Variants in PRH1 observed in about 807,000 individuals in gnomAD.
PRH1 encodes the protein proline rich protein HaeIII subfamily 1.
PRH1 carries 7 observed loss-of-function variants against 7.9 expected under a neutral mutation model. The observed-to-expected ratio is 0.89, with a 90% confidence interval of 0.50 to 1.67. The LOEUF is 1.67. Among genes scored for constraint, PRH1 ranks in the 40% most tolerant of loss-of-function variants. The pLI is 0.00. For synonymous variants in PRH1, 45 were observed against 80.8 expected (o/e 0.56, Z 2.38); for missense variants, 109 against 223.6 (o/e 0.49, Z 3.27).
At chr12:11,031,634 T>C (rs1942223971) in intron 1 of PRH1, among the ~76,000 whole-genome samples, 1 of 152,182 alleles carries the variant, frequency 6.6e-6, no homozygotes, top group East Asian at 1.9e-4. Flanking sequence ...TTTTTTGTCC[T>C]ATCAGAGTGC....
intron 1 of PRH1, among the ~76,000 whole-genome samples, chr12:11,082,530 TCTTGACCTCAGGTGATCGGCCAGC>T (rs1232799543): frequency 8.8e-6 from 1 of 114,156 alleles, no homozygotes; most frequent in African/African-American, 2.9e-5. Context: ...GGTCTGGAAC[TCTTGACCTCAGGTGATCGGCCAGC>T]CTTGGCCTCC....
chr12:11,082,970 C>A (rs112982783), intron 1 of PRH1, among the ~76,000 whole-genome samples: 22 of 102,380 alleles, frequency 2.1e-4, no homozygotes, highest in Non-Finnish European at 4.0e-4. Flanking sequence ...AGTTACACTA[C>A]ATATGTTTTA....
rs1591709174 is a variant in PRH1 at position 10,943,389 on chromosome 12, G to T, written c.-59+30266C>A. Among the ~76,000 whole-genome samples, 7 of 152,256 alleles carry T rather than the reference G, an allele frequency of 4.6e-5. 1 individual carries two copies. Among genetic ancestry groups the T allele is most frequent in the Admixed American group, 4.6e-4 (7 of 15,288 alleles). On this transcript the variant is annotated intron_variant, in intron 2 of 3. Transcript: ENST00000539853. Reference sequence around the variant, plus strand: ...ACATGTACGTCTTCTTTTGAGAAGTGTCTGTTCAGGTCTTTTGCCCACTTT... The same window carrying T: ...ACATGTACGTCTTCTTTTGAGAAGTTTCTGTTCAGGTCTTTTGCCCACTTT...
At chr12:10,922,772 A>C (rs1950064513) in intron 2 of PRH1, among the ~76,000 whole-genome samples, 1 of 148,394 alleles carries the variant, frequency 6.7e-6, no homozygotes, top group South Asian at 2.2e-4. Flanking sequence ...TACGTAATGC[A>C]TTGTTAGGTA....
chr12:10,954,271 C>T (rs761262123), intron 2 of PRH1, among the ~76,000 whole-genome samples: 8 of 152,080 alleles, frequency 5.3e-5, no homozygotes, highest in South Asian at 4.1e-4. Context: ...ATACTAACCT[C>T]GAATGTAAAC....
intron 1 of PRH1, chr12:11,062,243 C>T (rs201672998): frequency 9.3e-6 from 15 of 1,612,968 alleles, no homozygotes; most frequent in Non-Finnish European, 1.2e-5. Context: ...TTTCCAATCA[C>T]AAATGTAACC....
At chr12:11,080,509 A>G (rs1423460386) in intron 1 of PRH1, among the ~76,000 whole-genome samples, 1 of 115,980 alleles carries the variant, frequency 8.6e-6, no homozygotes, top group East Asian at 2.1e-4. Flanking sequence ...AGGGTCCTTG[A>G]TAAACGTTCA....
chr12:10,913,170 C>T (rs1170303081), intron 2 of PRH1, among the ~76,000 whole-genome samples: 1 of 152,042 alleles, frequency 6.6e-6, no homozygotes, highest in Non-Finnish European at 1.5e-5. Context: ...TGTCTTTTTC[C>T]TTAAAATCTA....
intron 1 of PRH1, among the ~76,000 whole-genome samples, chr12:11,165,828 G>C (rs951655067): frequency 2.0e-5 from 3 of 152,158 alleles, no homozygotes; most frequent in African/African-American, 7.2e-5. Context: ...AGTGCCAAAG[G>C]GATTCTCAGT....
At chr12:11,115,282 G>A (rs1945699793) in intron 1 of PRH1, among the ~76,000 whole-genome samples, 1 of 151,980 alleles carries the variant, frequency 6.6e-6, no homozygotes, top group Non-Finnish European at 1.5e-5. Context: ...TAGAGTTCAG[G>A]ACAAAAACTA....
At chr12:10,973,721 G>A in exon 2 of PRH1, 1 of 779,940 alleles carries the variant, frequency 1.3e-6, no homozygotes, top group South Asian at 1.3e-5. Context: ...TTCTGCAGCA[G>A]CTAGGATAAG....
At chr12:10,990,959 G>A (rs1168667577) in intron 1 of PRH1, among the ~76,000 whole-genome samples, 1 of 152,210 alleles carries the variant, frequency 6.6e-6, no homozygotes, top group African/African-American at 2.4e-5. Flanking sequence ...AAACAACGCT[G>A]GAGACTAGAG....
intron 1 of PRH1, among the ~76,000 whole-genome samples, chr12:11,002,786 C>T (rs542666674): frequency 1.3e-5 from 2 of 151,976 alleles, no homozygotes; most frequent in Admixed American, 6.6e-5. Flanking sequence ...TTCTCTAATA[C>T]AGTTGAAAAA....
rs186031967 is a variant in PRH1, at chr12:11,165,581, A to G, written n.39+5841T>C. Reference sequence around the variant, plus strand: ...TTATTTTTAAAGGTTCTGTCTGATAATTTCAACCTCTGGGCCATTATTTTC... The same window carrying G: ...TTATTTTTAAAGGTTCTGTCTGATAGTTTCAACCTCTGGGCCATTATTTTC... On this transcript the variant is annotated intron_variant and non_coding_transcript_variant, in intron 1 of 1. Coordinates refer to the PRH1 transcript ENST00000541175. Among the ~76,000 whole-genome samples, 316 of 152,232 alleles carry G rather than the reference A, an allele frequency of 2.1e-3. 1 individual carries two copies. The highest frequency in any genetic ancestry group is 9.7e-3 in the South Asian group (47 of 4,824).
chr12:11,026,595 C>CT (rs1396578001), intron 1 of PRH1, among the ~76,000 whole-genome samples: 4 of 151,978 alleles, frequency 2.6e-5, no homozygotes, highest in African/African-American at 7.3e-5. Flanking sequence ...AGGAATGGAA[C>CT]TGGTCAGTGC....
intron 2 of PRH1, among the ~76,000 whole-genome samples, chr12:10,915,459 C>T (rs1328747363): frequency 9.2e-6 from 1 of 109,192 alleles, no homozygotes; most frequent in African/African-American, 2.6e-5. Flanking sequence ...GTATGTGAAG[C>T]TGACAGGAAT....
At chr12:10,988,074 G>A (rs1344064282) in intron 1 of PRH1, among the ~76,000 whole-genome samples, 1 of 152,102 alleles carries the variant, frequency 6.6e-6, no homozygotes, top group Admixed American at 6.6e-5. Context: ...AATGGAGTCA[G>A]TTTGCCTGCA....
upstream of PRH1, among the ~76,000 whole-genome samples, chr12:10,884,674 T>C (rs977608628): frequency 7.9e-5 from 12 of 152,226 alleles, no homozygotes; most frequent in African/African-American, 2.9e-4. Context: ...GGTCAATATC[T>C]CTGACTGTTT....
intron 1 of PRH1, among the ~76,000 whole-genome samples, chr12:10,977,217 A>G (rs1939145902): frequency 6.6e-6 from 1 of 152,228 alleles, no homozygotes; most frequent in Admixed American, 6.5e-5. Context: ...CTAATCCACC[A>G]TAATCAAGTA....
Sources: allele counts gnomAD v4.1 joint callset (sites outside exome capture counted in the v4.1 genomes callset), GRCh38; gene constraint gnomAD v4.1.1; transcripts MANE v1.5; gene names NCBI Gene and HGNC (gene_info 2026-07-23, HGNC 2026-07-21).